YEATS4: variants seen among roughly 807,000 people sequenced by gnomAD.
The protein encoded by YEATS4 is YEATS domain containing 4.
A neutral mutation model predicts 30.1 loss-of-function variants in YEATS4; 17 were observed. The observed-to-expected ratio is 0.56, with a 90% CI of 0.39 to 0.85. The LOEUF (loss-of-function observed/expected upper bound fraction) is 0.85, where lower values mean the gene tolerates loss of function less well. Ranked by LOEUF, YEATS4 falls within the 40% of genes least tolerant of loss-of-function variation. The pLI, the probability that YEATS4 is intolerant of heterozygous loss-of-function variation, is 0.00. For synonymous variants in YEATS4, 85 were observed against 87.5 expected (o/e 0.97, Z 0.16); for missense variants, 142 against 268.3 (o/e 0.53, Z 3.29).
intron 2 of YEATS4, chr12:69,364,223 C>T (rs564037968): frequency 3.8e-5 from 17 of 442,682 alleles, no homozygotes; most frequent in East Asian, 2.3e-4. Flanking sequence ...GAGGCCCAAG[C>T]GGGAGGATCG....
At chr12:69,409,479 T>C in the YEATS4 span, among the ~76,000 whole-genome samples, 2 of 151,984 alleles carry the variant, frequency 1.3e-5, no homozygotes, top group Non-Finnish European at 2.9e-5. Flanking sequence ...TAGCCAGCCA[T>C]GGTGGTGCAC....
chr12:69,388,215 C>T (rs315117), intron 6 of YEATS4, among the ~76,000 whole-genome samples: 8,907 of 152,248 alleles, frequency 0.059, 379 homozygotes, highest in African/African-American at 0.12. Context: ...TGCTCGCCAC[C>T]ATGCCCAGCT....
rs199986558 is a variant in YEATS4, at chr12:69,362,938, A to G, written c.171+31A>G. Reference sequence around the variant, plus strand: ...CACTCGTTTTTTCTGTAACTGTTTTACTTAAAGTTGTCTGTAATTTGTTTT... The same window carrying G: ...CACTCGTTTTTTCTGTAACTGTTTTGCTTAAAGTTGTCTGTAATTTGTTTT... On this transcript the variant is annotated intron_variant, in intron 2 of 6. Transcript: ENST00000247843. 596 of 1,429,860 alleles carry G rather than the reference A, an allele frequency of 4.2e-4. 8 individuals carry two copies. In the South Asian group the frequency reaches 6.7e-3, roughly 16 times the overall value. The allele number at this position is 1,429,860 out of a possible 1,614,324, so 88.6% of individuals were successfully genotyped here.
intron 6 of YEATS4, among the ~76,000 whole-genome samples, chr12:69,372,505 C>G (rs530302203): frequency 1.8e-4 from 22 of 124,424 alleles, no homozygotes; most frequent in Admixed American, 1.4e-3. Flanking sequence ...CTCTGGTAAC[C>G]GTCATTCTAC....
At chr12:69,414,333 G>T in the YEATS4 span, among the ~76,000 whole-genome samples, 3 of 136,800 alleles carry the variant, frequency 2.2e-5, no homozygotes, top group African/African-American at 5.0e-5. Context: ...GGGTTCAAGT[G>T]ATCCTACTAC....
chr12:69,426,911 G>C, the YEATS4 span, among the ~76,000 whole-genome samples: 1 of 152,280 alleles, frequency 6.6e-6, no homozygotes, highest in South Asian at 2.1e-4. Context: ...GCTTGATCAT[G>C]ATTCCTTTAA....
the YEATS4 span, among the ~76,000 whole-genome samples, chr12:69,407,051 G>A: frequency 6.6e-6 from 1 of 152,038 alleles, no homozygotes; most frequent in African/African-American, 2.4e-5. Flanking sequence ...CTGGCCTCAG[G>A]TAATCCTCCC....
chr12:69,360,079 T>G, intron 1 of YEATS4, 56 bp downstream of exon 1: 1 of 1,574,632 alleles, frequency 6.4e-7, no homozygotes, highest in South Asian at 1.1e-5. Flanking sequence ...GGTTCCTCCC[T>G]GCGCGGCGCG....
intron 6 of YEATS4, among the ~76,000 whole-genome samples, chr12:69,373,413 T>C (rs1875723547): frequency 6.6e-6 from 1 of 152,244 alleles, no homozygotes; most frequent in Non-Finnish European, 1.5e-5. Flanking sequence ...CCTTTTCGTA[T>C]ACCTGTTTGC....
At chr12:69,401,462 G>A in the YEATS4 span, among the ~76,000 whole-genome samples, 2 of 152,204 alleles carry the variant, frequency 1.3e-5, no homozygotes, top group African/African-American at 4.8e-5. Context: ...CTTTCTGCAT[G>A]AGAACTCGAC....
the YEATS4 span, among the ~76,000 whole-genome samples, chr12:69,406,002 G>T: frequency 4.4e-3 from 665 of 152,236 alleles, 7 homozygotes; most frequent in African/African-American, 0.015. Flanking sequence ...ACCTGCCTAT[G>T]TTCCACTATA....
chr12:69,359,999 G>A lies in YEATS4; in HGVS notation c.27G>A (p.Gly9=). Residue 9 remains glycine (G), a synonymous_variant, in exon 1 of 7, where the codon GGG becomes GGA. Transcript: ENST00000247843. MFKRMAEF[G]PDSGGRVKGV... Reference sequence around the variant, plus strand: ...TGTTCAAGAGAATGGCCGAATTTGGGCCTGACTCCGGCGGGAGAGTAAAGG... The same window carrying A: ...TGTTCAAGAGAATGGCCGAATTTGGACCTGACTCCGGCGGGAGAGTAAAGG... The A allele has an allele frequency of 6.2e-7, 1 of 1,613,634 alleles. No homozygotes were observed. The highest frequency in any genetic ancestry group is 8.5e-7 in the Non-Finnish European group (1 of 1,179,782).
the YEATS4 span, among the ~76,000 whole-genome samples, chr12:69,409,556 G>T: frequency 5.0e-4 from 76 of 151,868 alleles, no homozygotes; most frequent in African/African-American, 1.7e-3. Context: ...GGCAGAGGTT[G>T]CAGTGAGCCG....
At chr12:69,400,694 G>GT in the YEATS4 span, among the ~76,000 whole-genome samples, 3 of 135,074 alleles carry the variant, frequency 2.2e-5, no homozygotes, top group African/African-American at 8.4e-5. Flanking sequence ...AATTTAAAAA[G>GT]TTTAAAAAAA....
At chr12:69,399,773 G>T in the YEATS4 span, among the ~76,000 whole-genome samples, 2 of 152,132 alleles carry the variant, frequency 1.3e-5, no homozygotes, top group Non-Finnish European at 2.9e-5. Context: ...AATCGAATGT[G>T]GTGTATCAAT....
chr12:69,381,761 G>A lies in YEATS4; in HGVS notation c.515-8386G>A, dbSNP rs1319533579. ...GCCGTTCCCTCCGTTCGGGGTTCCT[G>A]ACTTCCCGCAACATCTCTCCCTTTC... is the stretch of plus-strand genomic sequence containing the variant. On this transcript the variant is annotated intron_variant, in intron 6 of 6. Coordinates refer to ENST00000247843, the MANE Select transcript of YEATS4 (RefSeq NM_006530.4). Among the ~76,000 whole-genome samples the A allele has an allele frequency of 3.9e-5, 6 of 152,284 alleles. No individual in the cohort carries two copies. The East Asian group carries it at 1.2e-3, about 29-fold the overall frequency.
chr12:69,398,177 CTG>C, the YEATS4 span, among the ~76,000 whole-genome samples: 3 of 152,162 alleles, frequency 2.0e-5, no homozygotes, highest in African/African-American at 4.8e-5. Flanking sequence ...CTATTCAACA[CTG>C]TGTGGGAGGT....
At chr12:69,362,018 T>TGTTTTTTTTTG (rs1555174236) in intron 1 of YEATS4, among the ~76,000 whole-genome samples, 3,282 of 62,398 alleles carry the variant, frequency 0.053, 141 homozygotes, top group Middle Eastern at 0.13. Context: ...TGGTTGTTTT[T>TGTTTTTTTTTG]TTTTTTTTTT....
the YEATS4 span, among the ~76,000 whole-genome samples, chr12:69,417,530 C>T: frequency 3.9e-5 from 6 of 152,012 alleles, no homozygotes; most frequent in East Asian, 1.9e-4. Flanking sequence ...AACGTATGAC[C>T]GATGCCTGAA....
Sources: gnomAD v4.1 joint callset for allele counts (sites outside exome capture counted in the v4.1 genomes callset) on GRCh38, gnomAD v4.1.1 for gene constraint, MANE v1.5 for transcripts, NCBI Gene and HGNC (gene_info 2026-07-23, HGNC 2026-07-21) for gene names.